PLSCR2: variants seen among roughly 807,000 people sequenced by gnomAD.
The protein encoded by PLSCR2 is phospholipid scramblase 2.
In PLSCR2, 18 loss-of-function variants were observed where a neutral mutation model predicts 25.3. The ratio of observed to expected loss-of-function variants is 0.71; its 90% CI spans 0.49 to 1.06. The LOEUF is 1.06. Among genes scored for constraint, PLSCR2 ranks in the 50% least tolerant of loss-of-function variants. The probability of loss-of-function intolerance (pLI) is 0.00; values close to 1 mark genes in which losing one functional copy is unlikely to be tolerated. For synonymous variants in PLSCR2, 88 were observed against 87.3 expected, an observed-to-expected ratio of 1.01 and a Z score of -0.04; for missense variants, 243 against 269.5, an observed-to-expected ratio of 0.90 and a Z score of 0.69.
chr3:146,479,774 AG>A (rs1481645546), intron 1 of PLSCR2, among the ~76,000 whole-genome samples: 9 of 152,242 alleles, frequency 5.9e-5, no homozygotes. Flanking sequence ...CCAAATCAGT[AG>A]AATATACATT....
Position 146,459,973 on chromosome 3 carries a change from C to A in PLSCR2, c.-69G>T, listed in dbSNP as rs966806265. ...ATGCCAGCTGTGCCAGCAGGTGGGA[C>A]TAGGTAGTCATGCTGACGTCCTGGG... is the stretch of plus-strand genomic sequence containing the variant. On this transcript the variant is annotated 5_prime_UTR_variant, in exon 2 of 7. An upstream open reading frame in the 5' UTR loses its in-frame stop. Coordinates refer to ENST00000610787, the Ensembl canonical transcript of PLSCR2. 6.2e-7 allele frequency: 1 copy of A among 1,613,988 alleles called. No individual in the cohort carries two copies. Among genetic ancestry groups the A allele is most frequent in the African/African-American group, 1.3e-5 (1 of 75,044 alleles).
intron 1 of PLSCR2, among the ~76,000 whole-genome samples, chr3:146,471,864 A>G (rs6440443): frequency 0.029 from 4,475 of 152,290 alleles, 225 homozygotes; most frequent in African/African-American, 0.097. Flanking sequence ...ATGCCCGGCC[A>G]AGATACAATT....
In PLSCR2 at chr3:146,410,631, T is replaced by C. The variant is rs557078427; in HGVS notation, c.101-14710A>G. ...CAGCACTAAGGACCTTGAAGAAGTT[T>C]TTACCTAGACATCTTGGGCAGTACC... On this transcript the variant is annotated intron_variant and NMD_transcript_variant, in intron 2 of 3. Coordinates refer to the PLSCR2 transcript ENST00000463633. Among the ~76,000 whole-genome samples, 561 of 152,282 alleles carry C rather than the reference T, an allele frequency of 3.7e-3. 1 individual carries two copies. Among genetic ancestry groups the C allele is most frequent in the African/African-American group, 0.013 (537 of 41,562 alleles).
intron 2 of PLSCR2, chr3:146,416,461 ATGT>A (rs2039010568): frequency 6.6e-6 from 1 of 152,204 alleles, no homozygotes; most frequent in South Asian, 2.1e-4. Context: ...ATCTAAATTC[ATGT>A]TGTTATGGAT....
At chr3:146,458,555 C>T in intron 2 of PLSCR2, 102 bp from the exon 3 acceptor site, 1 of 756,748 alleles carries the variant, frequency 1.3e-6, no homozygotes, top group Non-Finnish European at 1.8e-6. Flanking sequence ...CAGTTATCGA[C>T]ATTTATCAAT....
intron 2 of PLSCR2, among the ~76,000 whole-genome samples, chr3:146,426,438 T>C (rs887422337): frequency 3.3e-5 from 5 of 152,154 alleles, no homozygotes; most frequent in African/African-American, 1.2e-4. Context: ...GGCATTCTCT[T>C]AACTGATCTT....
downstream of PLSCR2, among the ~76,000 whole-genome samples, chr3:146,440,960 G>T (rs968059371): frequency 2.0e-5 from 3 of 152,066 alleles, no homozygotes; most frequent in Non-Finnish European, 4.4e-5. Flanking sequence ...TAGAATACAG[G>T]AGCTAACCAT....
At position 146,397,346 on chromosome 3, in the gene PLSCR2, T is replaced by A. The variant is rs942840992; in HGVS notation, c.101-1425A>T. Reference sequence around the variant, plus strand: ...TTTTTTTAAAAAACAATGCAACACATTCAGGTATCACTTACCTTTAATACT... The same window carrying A: ...TTTTTTTAAAAAACAATGCAACACAATCAGGTATCACTTACCTTTAATACT... On this transcript the variant is annotated intron_variant and NMD_transcript_variant, in intron 2 of 3. Coordinates refer to the PLSCR2 transcript ENST00000463633. 5.3e-5 allele frequency among the ~76,000 whole-genome samples: 8 copies of A among 152,162 alleles called. No homozygotes were observed. The East Asian group carries it at 1.5e-3, about 29-fold the overall frequency.
chr3:146,461,333 G>A (rs566209933), upstream of PLSCR2, among the ~76,000 whole-genome samples: 1 of 152,238 alleles, frequency 6.6e-6, no homozygotes, highest in Non-Finnish European at 1.5e-5. Context: ...ATTTAACCTA[G>A]TACTAATGCA....
At chr3:146,420,728 C>G (rs2039120639) in intron 2 of PLSCR2, among the ~76,000 whole-genome samples, 1 of 152,008 alleles carries the variant, frequency 6.6e-6, no homozygotes, top group Non-Finnish European at 1.5e-5. Flanking sequence ...CTTCAAACAA[C>G]AGTGATGACC....
chr3:146,399,440 T>A (rs2038384558), intron 2 of PLSCR2, among the ~76,000 whole-genome samples: 1 of 151,846 alleles, frequency 6.6e-6, no homozygotes, highest in Non-Finnish European at 1.5e-5. Flanking sequence ...ACTAATTATG[T>A]TAAAACACAC....
At chr3:146,415,406 G>A (rs1387906342) in intron 2 of PLSCR2, among the ~76,000 whole-genome samples, 1 of 151,808 alleles carries the variant, frequency 6.6e-6, no homozygotes, top group Non-Finnish European at 1.5e-5. Context: ...AAGGTGTTTT[G>A]TCTTGTCTCT....
At chr3:146,463,152 T>C (rs1438452317), upstream of PLSCR2, among the ~76,000 whole-genome samples, 1 of 152,168 alleles carries the variant, frequency 6.6e-6, no homozygotes, top group Non-Finnish European at 1.5e-5. Context: ...AGCCATAGCA[T>C]CCTGACCACC....
chr3:146,457,087 G>C (rs950430156), intron 3 of PLSCR2, among the ~76,000 whole-genome samples: 1 of 151,886 alleles, frequency 6.6e-6, no homozygotes, highest in Non-Finnish European at 1.5e-5. Flanking sequence ...ACAAAAAACC[G>C]AGAACATTAT....
At chr3:146,478,612 A>T (rs2043015711) in intron 1 of PLSCR2, among the ~76,000 whole-genome samples, 1 of 152,224 alleles carries the variant, frequency 6.6e-6, no homozygotes, top group Non-Finnish European at 1.5e-5. Flanking sequence ...CTAAATCTAC[A>T]TCTGATTGGT....
At chr3:146,479,082 C>T (rs2043036264) in intron 1 of PLSCR2, among the ~76,000 whole-genome samples, 1 of 152,170 alleles carries the variant, frequency 6.6e-6, no homozygotes, top group Admixed American at 6.5e-5. Context: ...CTTACAAGAG[C>T]TCCTGAAGGA....
At chr3:146,483,493 A>ATG (rs1560055103) in intron 1 of PLSCR2, among the ~76,000 whole-genome samples, 5 of 118,814 alleles carry the variant, frequency 4.2e-5, no homozygotes, top group Non-Finnish European at 8.8e-5. Context: ...ATATATATAT[A>ATG]TATATATATA....
chr3:146,406,865 G>A (rs1188502137), intron 2 of PLSCR2, among the ~76,000 whole-genome samples: 1 of 152,178 alleles, frequency 6.6e-6, no homozygotes, highest in Admixed American at 6.5e-5. Flanking sequence ...GACCCCGTCT[G>A]GTCAGGAATT....
intron 2 of PLSCR2, among the ~76,000 whole-genome samples, chr3:146,410,471 G>C (rs2038809258): frequency 4.6e-5 from 7 of 152,184 alleles, no homozygotes; most frequent in Admixed American, 4.6e-4. Flanking sequence ...CATGGTGCCA[G>C]AAATCCTAAT....
Sources: gnomAD v4.1 joint callset for allele counts (sites outside exome capture counted in the v4.1 genomes callset) on GRCh38, gnomAD v4.1.1 for gene constraint, MANE v1.5 for transcripts, NCBI Gene and HGNC (gene_info 2026-07-23, HGNC 2026-07-21) for gene names.